PPP1R12B: variants seen among roughly 807,000 people sequenced by gnomAD.
PPP1R12B encodes myosin phosphatase target subunit 2.
Under a neutral mutation model 126.1 loss-of-function variants are expected in PPP1R12B, and 76 were observed. The observed-to-expected ratio is 0.60, with a 90% CI of 0.50 to 0.73. The LOEUF is 0.73. PPP1R12B is among the 30% of genes least tolerant of loss of function. The pLI is 0.00. For synonymous variants in PPP1R12B, 356 were observed against 434.7 expected (o/e 0.82, Z 2.25); for missense variants, 1,052 against 1,205.1 (o/e 0.87, Z 1.88).
chr1:202,559,956 A>G (rs982787773), intron 19 of PPP1R12B, among the ~76,000 whole-genome samples: 11 of 152,210 alleles, frequency 7.2e-5, no homozygotes, highest in African/African-American at 2.4e-4. Flanking sequence ...AAAACAGTGA[A>G]GCACTAGCTC....
chr1:202,439,014 G>A, intron 10 of PPP1R12B: 1 of 1,402,982 alleles, frequency 7.1e-7, no homozygotes, highest in Non-Finnish European at 1.0e-6. Flanking sequence ...CAGGAGTGCG[G>A]CAGTGCCCAC....
At chr1:202,561,915 A>G (rs902532369) in intron 19 of PPP1R12B, among the ~76,000 whole-genome samples, 8 of 152,132 alleles carry the variant, frequency 5.3e-5, no homozygotes, top group East Asian at 1.9e-4. Flanking sequence ...ATCAGATGCA[A>G]TTTTCACAGT....
intron 1 of PPP1R12B, among the ~76,000 whole-genome samples, chr1:202,372,940 CT>C (rs1179836167): frequency 8.1e-5 from 12 of 148,022 alleles, no homozygotes; most frequent in Admixed American, 1.4e-4. Context: ...ATGATAATTT[CT>C]TTTTTTTTTG....
intron 1 of PPP1R12B, among the ~76,000 whole-genome samples, chr1:202,391,352 T>C (rs1257406281): frequency 6.6e-6 from 1 of 152,072 alleles, no homozygotes; most frequent in Non-Finnish European, 1.5e-5. Flanking sequence ...CCCACTAGGA[T>C]GACTAGAACC....
intron 13 of PPP1R12B, among the ~76,000 whole-genome samples, chr1:202,462,239 G>A (rs774792713): frequency 9.2e-5 from 14 of 152,168 alleles, no homozygotes; most frequent in Non-Finnish European, 1.9e-4. Flanking sequence ...TGGGAAGGGA[G>A]GCCTAGATGG....
intron 1 of PPP1R12B, among the ~76,000 whole-genome samples, chr1:202,360,817 C>T (rs904134646): frequency 2.6e-5 from 4 of 151,398 alleles, no homozygotes; most frequent in African/African-American, 7.3e-5. Context: ...TAGTACCCTT[C>T]GTATGTAAAT....
At chr1:202,439,746 G>A (rs900523127) in intron 10 of PPP1R12B, 3 of 546,414 alleles carry the variant, frequency 5.5e-6, no homozygotes, top group Non-Finnish European at 9.9e-6. Context: ...CCTCTAGGAG[G>A]AATGCGCAGA....
chr1:202,439,166 G>A, intron 10 of PPP1R12B: 1 of 1,577,808 alleles, frequency 6.3e-7, no homozygotes, highest in South Asian at 1.1e-5. Flanking sequence ...GAACAACCTG[G>A]CGGCCTCGCA....
intron 1 of PPP1R12B, among the ~76,000 whole-genome samples, chr1:202,377,830 GTGTTTTTTTTT>G (rs1174530659): frequency 5.0e-5 from 5 of 99,302 alleles, no homozygotes; most frequent in Admixed American, 2.7e-4. Context: ...TCAAAGACAG[GTGTTTTTTTTT>G]TTTTTTTTTT....
chr1:202,437,890 C>G lies in PPP1R12B; in HGVS notation c.1324C>G (p.Leu442Val), dbSNP rs1212325570. Reference sequence around the variant, plus strand: ...ATCTCCTTCTTCATGGAGATTGGGACTGAGAAAAACTGGCAGCCACAACAT... The same window carrying G: ...ATCTCCTTCTTCATGGAGATTGGGAGTGAGAAAAACTGGCAGCCACAACAT... ...DESPSSWRLGLRKTGSHNMLS... is the reference protein window; with the variant it reads ...DESPSSWRLGVRKTGSHNMLS... The change falls in exon 10 of 24, where the codon CTG (leucine) becomes GTG (valine). Residue 442 changes from leucine to valine, a missense_variant. By Grantham distance (32) the Leu-to-Val change is conservative. Coordinates refer to ENST00000608999, the MANE Select transcript of PPP1R12B (RefSeq NM_002481.4). The G allele has an allele frequency of 2.5e-6, 4 of 1,613,934 alleles. No individual in the cohort carries two copies. Among genetic ancestry groups the G allele is most frequent in the Non-Finnish European group, 3.4e-6 (4 of 1,179,842 alleles).
chr1:202,352,891 A>AG (rs1656281933), intron 1 of PPP1R12B, among the ~76,000 whole-genome samples: 2 of 25,232 alleles, frequency 7.9e-5, no homozygotes, highest in Non-Finnish European at 1.7e-4. Context: ...CCGTTTCAAA[A>AG]AAAAAAGAAA....
intron 1 of PPP1R12B, among the ~76,000 whole-genome samples, chr1:202,376,219 T>G (rs552099467): frequency 1.4e-3 from 215 of 151,878 alleles, no homozygotes; most frequent in African/African-American, 5.0e-3. Flanking sequence ...TTGTTTTAGG[T>G]TTTTTTTTAT....
chr1:202,416,525 T>TA (rs35476608), intron 1 of PPP1R12B, among the ~76,000 whole-genome samples: 84,513 of 111,478 alleles, frequency 0.76, 32,494 homozygotes, highest in East Asian at 0.92. Flanking sequence ...AAACTCTGTC[T>TA]AAAAAAAAAA....
chr1:202,451,210 C>T (rs2792809), intron 13 of PPP1R12B, among the ~76,000 whole-genome samples: 77,094 of 145,826 alleles, frequency 0.53, 20,731 homozygotes, highest in East Asian at 0.7. Context: ...CTTGGGTGTT[C>T]CTCGCAGAGG....
At chr1:202,485,693 T>C (rs1235373091) in intron 13 of PPP1R12B, among the ~76,000 whole-genome samples, 1 of 152,160 alleles carries the variant, frequency 6.6e-6, no homozygotes, top group African/African-American at 2.4e-5. Context: ...CCTGGACTTT[T>C]GTCTTCCACA....
At chr1:202,380,523 A>G (rs1224465538) in intron 1 of PPP1R12B, among the ~76,000 whole-genome samples, 4 of 152,142 alleles carry the variant, frequency 2.6e-5, no homozygotes, top group Non-Finnish European at 4.4e-5. Context: ...TTTCTTATCC[A>G]TTTTAGAGTG....
intron 20 of PPP1R12B, 86 bp downstream of exon 20, chr1:202,563,008 G>C (rs1687688309): frequency 7.2e-7 from 1 of 1,397,626 alleles, no homozygotes; most frequent in African/African-American, 1.5e-5. Context: ...AATTACCATA[G>C]CTCTGAATAA....
chr1:202,413,319 A>G (rs567620791), intron 1 of PPP1R12B, among the ~76,000 whole-genome samples: 2 of 152,150 alleles, frequency 1.3e-5, no homozygotes, highest in Non-Finnish European at 2.9e-5. Context: ...ATCCCCTTCT[A>G]GGCAGGATTG....
At chr1:202,544,732 A>G (rs951026778) in intron 18 of PPP1R12B, among the ~76,000 whole-genome samples, 1 of 152,260 alleles carries the variant, frequency 6.6e-6, no homozygotes, top group African/African-American at 2.4e-5. Flanking sequence ...CAAAAACAAA[A>G]AAATACAAAG....
Sources: gnomAD v4.1 joint callset for allele counts (sites outside exome capture counted in the v4.1 genomes callset) on GRCh38, gnomAD v4.1.1 for gene constraint, MANE v1.5 for transcripts, NCBI Gene and HGNC (gene_info 2026-07-23, HGNC 2026-07-21) for gene names.